Variants in CMIP observed in about 807,000 individuals in gnomAD.
CMIP encodes the protein C-Maf-inducing protein.
In CMIP, 13 loss-of-function variants were observed where a neutral mutation model predicts 97.3. The observed-to-expected ratio is 0.13, with a 90% CI of 0.09 to 0.21. CMIP has a LOEUF of 0.21. CMIP is among the 10% of genes least tolerant of loss of function. The probability of loss-of-function intolerance (pLI) is 1.00; values close to 1 mark genes in which losing one functional copy is unlikely to be tolerated. For synonymous variants in CMIP, 538 were observed against 436.3 expected (o/e 1.23, Z -2.91); for missense variants, 847 against 1,024.9 (o/e 0.83, Z 2.37).
At chr16:81,673,245 G>A (rs1394712014) in intron 9 of CMIP, among the ~76,000 whole-genome samples, 1 of 152,194 alleles carries the variant, frequency 6.6e-6, no homozygotes, top group African/African-American at 2.4e-5. Context: ...GCTGGGCGCA[G>A]TAGCTCACAC....
intron 1 of CMIP, among the ~76,000 whole-genome samples, chr16:81,597,890 C>T (rs771610904): frequency 6.6e-5 from 10 of 152,054 alleles, no homozygotes; most frequent in Non-Finnish European, 1.5e-4. Context: ...ATGGCAGAGC[C>T]GTGTCCCTCT....
At chr16:81,708,368 T>A (rs557880635) in intron 20 of CMIP, among the ~76,000 whole-genome samples, 3 of 152,332 alleles carry the variant, frequency 2.0e-5, no homozygotes, top group Non-Finnish European at 4.4e-5. Context: ...CTGGGGGATT[T>A]CTGGGCACAC....
Position 81,670,125 on chromosome 16 carries a change from C to T in CMIP, c.826-17C>T. On this transcript the variant is annotated splice_polypyrimidine_tract_variant and intron_variant, in intron 7 of 20. Coordinates refer to ENST00000537098, the MANE Select transcript of CMIP (RefSeq NM_198390.3). ...GCCTAGCACCGTCCCGACTCCTGTC[C>T]TCTGCTGTCTCCACAGGACTTTGGG... is the stretch of plus-strand genomic sequence containing the variant. 6.3e-7 allele frequency: 1 copy of T among 1,599,000 alleles called. No individual in the cohort carries two copies. The highest frequency in any genetic ancestry group is 8.5e-7 in the Non-Finnish European group (1 of 1,173,118).
intron 9 of CMIP, among the ~76,000 whole-genome samples, chr16:81,672,638 C>T (rs2092693237): frequency 1.3e-5 from 2 of 152,270 alleles, no homozygotes; most frequent in Admixed American, 1.3e-4. Context: ...TACAGTGGTG[C>T]AGTCATAGCT....
At chr16:81,535,749 C>T (rs944589314) in intron 1 of CMIP, among the ~76,000 whole-genome samples, 6 of 151,978 alleles carry the variant, frequency 3.9e-5, no homozygotes, top group African/African-American at 1.5e-4. Flanking sequence ...GATGTTGGAC[C>T]CTGTTACCCA....
chr16:81,552,823 C>T (rs574666023), intron 1 of CMIP, among the ~76,000 whole-genome samples: 1 of 152,320 alleles, frequency 6.6e-6, no homozygotes, highest in Admixed American at 6.5e-5. Context: ...CTCCCTCCCT[C>T]TCTCTTTCTC....
chr16:81,697,624 A>G (rs947047140), intron 14 of CMIP: 3 of 152,214 alleles, frequency 2.0e-5, no homozygotes, highest in African/African-American at 7.2e-5. Flanking sequence ...CAGCGATCGC[A>G]TGCAACAGTA....
At chr16:81,502,980 G>C (rs1203300388) in intron 1 of CMIP, among the ~76,000 whole-genome samples, 1 of 152,116 alleles carries the variant, frequency 6.6e-6, no homozygotes, top group Non-Finnish European at 1.5e-5. Flanking sequence ...ATATGTTTGC[G>C]TGATGTCGTG....
At position 81,711,442 on chromosome 16, in the gene CMIP, T is replaced by C. The variant is rs1180039231; in HGVS notation, c.*1643T>C. 1 of 152,098 alleles carries C rather than the reference T, an allele frequency of 6.6e-6. No homozygotes were observed. The highest frequency in any genetic ancestry group is 2.4e-5 in the African/African-American group (1 of 41,382). 9.4% of individuals were successfully genotyped at this position (152,098 alleles called of 1,614,324 possible). A position where few individuals can be genotyped will look rare whatever the true frequency, so the allele number is the denominator to read the frequency against. On this transcript the variant is annotated 3_prime_UTR_variant, in exon 21 of 21. Transcript: ENST00000537098. The stretch of plus-strand genomic sequence containing the variant: ...ATTTTCCGTGCCAGGTTTTATTTCG[T>C]GTGTGTGTGAGTGTGTTCTGTTTTG...
chr16:81,496,183 C>T (rs2089487363), intron 1 of CMIP, among the ~76,000 whole-genome samples: 1 of 152,168 alleles, frequency 6.6e-6, no homozygotes, highest in South Asian at 2.1e-4. Flanking sequence ...AGTTAACACA[C>T]ATCACATGTG....
chr16:81,645,263 C>T, intron 3 of CMIP: 1 of 745,586 alleles, frequency 1.3e-6, no homozygotes, highest in Non-Finnish European at 1.9e-6. Flanking sequence ...GCTCATATTT[C>T]CCTGTGGGGT....
chr16:81,475,474 C>T (rs531845517), intron 1 of CMIP, among the ~76,000 whole-genome samples: 3 of 151,160 alleles, frequency 2.0e-5, no homozygotes, highest in African/African-American at 7.3e-5. Context: ...ATAGAACACT[C>T]CATAATGTTT....
At chr16:81,459,606 A>G (rs568545858) in intron 1 of CMIP, among the ~76,000 whole-genome samples, 2 of 152,338 alleles carry the variant, frequency 1.3e-5, no homozygotes, top group East Asian at 3.9e-4. Flanking sequence ...AACAGAATTG[A>G]AAGTCGCTTT....
rs553018587 is a variant in CMIP, at chr16:81,688,889, A to G, written c.1389-2886A>G. Among the ~76,000 whole-genome samples the G allele has an allele frequency of 3.7e-4, 56 of 152,044 alleles. 1 individual carries two copies. The highest frequency in any genetic ancestry group is 3.5e-4 in the Non-Finnish European group (24 of 68,020). On this transcript the variant is annotated intron_variant, in intron 10 of 20. Coordinates refer to ENST00000537098, the MANE Select transcript of CMIP (RefSeq NM_198390.3). ...TGTTCTCATTTTTCAGTTCCCACCTATGAGTGAGAACATGCGGTGTTCGTT... is the reference window on the plus strand; with the variant it reads ...TGTTCTCATTTTTCAGTTCCCACCTGTGAGTGAGAACATGCGGTGTTCGTT...
At chr16:81,473,339 G>C (rs1269632100) in intron 1 of CMIP, among the ~76,000 whole-genome samples, 1 of 152,226 alleles carries the variant, frequency 6.6e-6, no homozygotes, top group Non-Finnish European at 1.5e-5. Context: ...GGGCCGCTCT[G>C]TAATTTCCAT....
chr16:81,612,580 G>C (rs907566684), intron 2 of CMIP, among the ~76,000 whole-genome samples: 1 of 152,172 alleles, frequency 6.6e-6, no homozygotes, highest in South Asian at 2.1e-4. Flanking sequence ...GCTTGGAAAA[G>C]GTCGCTCACA....
At chr16:81,688,978 G>A (rs1321750570) in intron 10 of CMIP, among the ~76,000 whole-genome samples, 2 of 152,282 alleles carry the variant, frequency 1.3e-5, no homozygotes, top group East Asian at 3.9e-4. Context: ...CCCTACAGAG[G>A]ACATGAACTC....
At chr16:81,597,029 A>G (rs550029719) in intron 1 of CMIP, among the ~76,000 whole-genome samples, 2 of 152,248 alleles carry the variant, frequency 1.3e-5, no homozygotes, top group East Asian at 1.9e-4. Context: ...GAGTGGATAT[A>G]CCAGGATTTC....
intron 1 of CMIP, among the ~76,000 whole-genome samples, chr16:81,569,094 C>T (rs2091036581): frequency 6.6e-6 from 1 of 152,148 alleles, no homozygotes; most frequent in Non-Finnish European, 1.5e-5. Context: ...TCTGTAGCAC[C>T]CTTATGAATG....
Sources: allele counts gnomAD v4.1 joint callset (sites outside exome capture counted in the v4.1 genomes callset), GRCh38; gene constraint gnomAD v4.1.1; transcripts MANE v1.5; gene names NCBI Gene and HGNC (gene_info 2026-07-23, HGNC 2026-07-21).